The following FER variants were observed in gnomAD, a reference collection of about 807,000 sequenced individuals.
FER encodes the protein FER tyrosine kinase, also known as tyrosine-protein kinase Fer.
Under a neutral mutation model 111.0 loss-of-function variants are expected in FER, and 63 were observed. The ratio of observed to expected loss-of-function variants is 0.57; its 90% CI spans 0.46 to 0.70. The LOEUF is 0.70. FER is among the 30% of genes least tolerant of loss of function. The pLI is 0.00. For missense variants in FER, 914 were observed against 954.0 expected (o/e 0.96, Z 0.55); for synonymous variants, 327 against 313.9 (o/e 1.04, Z -0.44).
intron 3 of FER, among the ~76,000 whole-genome samples, chr5:108,817,425 T>C (rs75680335): frequency 0.086 from 13,086 of 152,222 alleles, 748 homozygotes; most frequent in African/African-American, 0.15. Flanking sequence ...TTTTGAGTTA[T>C]TGTGTAGTGC....
intron 17 of FER, among the ~76,000 whole-genome samples, chr5:109,145,145 A>C (rs1264019576): frequency 1.3e-5 from 2 of 151,916 alleles, no homozygotes; most frequent in African/African-American, 4.8e-5. Context: ...AGCTTTGCCT[A>C]GCAAAGCTCC....
At chr5:108,832,630 G>A (rs1429047394) in intron 3 of FER, 140 bp from the exon 4 acceptor site, 10 of 517,552 alleles carry the variant, frequency 1.9e-5, no homozygotes, top group African/African-American at 6.0e-5. Flanking sequence ...ATAGATCTTT[G>A]AACAGTTGCC....
chr5:109,080,923 T>A (rs1339765537), intron 16 of FER, among the ~76,000 whole-genome samples: 1 of 152,014 alleles, frequency 6.6e-6, no homozygotes, highest in African/African-American at 2.4e-5. Flanking sequence ...GGGACAATGC[T>A]GGGTAGCGAG....
At position 108,832,782 on chromosome 5, in the gene FER, A is replaced by G; in HGVS notation, c.220A>G (p.Met74Val). ...VSNVSKSWLL[M>V]IQQTEQLSRI... ...TTTTTTTTTTAAGTCTTGGCTACTTATGATTCAGCAGACAGAACAACTTAG... is the reference window on the plus strand; with the variant it reads ...TTTTTTTTTTAAGTCTTGGCTACTTGTGATTCAGCAGACAGAACAACTTAG... The change falls in exon 4 of 20, where the codon ATG (methionine) becomes GTG (valine). Residue 74 changes from methionine (M) to valine (V), a missense_variant. By Grantham distance (21) the Met-to-Val change is conservative. This residue lies in a region of FER where 774 missense variants were observed against 782.6 expected (regional missense o/e 0.99). Transcript: ENST00000281092. 6.8e-7 allele frequency: 1 copy of G among 1,470,428 alleles called. No homozygotes were observed. Among genetic ancestry groups the G allele is most frequent in the Non-Finnish European group, 9.0e-7 (1 of 1,110,702 alleles). The allele number at this position is 1,470,428 out of a possible 1,614,324, so 91.1% of individuals were successfully genotyped here.
chr5:109,138,174 A>C (rs1184978109), intron 17 of FER, among the ~76,000 whole-genome samples: 2 of 152,322 alleles, frequency 1.3e-5, no homozygotes, highest in African/African-American at 4.8e-5. Flanking sequence ...TACTCTCTCC[A>C]TTCAGCAAAA....
chr5:108,899,209 T>G (rs1237443785), intron 10 of FER, among the ~76,000 whole-genome samples: 1 of 152,152 alleles, frequency 6.6e-6, no homozygotes, highest in Non-Finnish European at 1.5e-5. Flanking sequence ...ATTGTGGTTG[T>G]TAGTAATATT....
intron 17 of FER, among the ~76,000 whole-genome samples, chr5:109,101,625 A>G (rs994313733): frequency 1.3e-5 from 2 of 152,082 alleles, no homozygotes; most frequent in Admixed American, 1.3e-4. Flanking sequence ...ATTCATTTCT[A>G]TGGAGATATT....
chr5:108,939,024 C>G (rs1294521196), intron 10 of FER, among the ~76,000 whole-genome samples: 1 of 152,038 alleles, frequency 6.6e-6, no homozygotes, highest in African/African-American at 2.4e-5. Context: ...ATTTGTTTAA[C>G]TGTGCATTTC....
intron 17 of FER, among the ~76,000 whole-genome samples, chr5:109,177,868 T>G (rs1488942606): frequency 6.6e-6 from 1 of 152,196 alleles, no homozygotes; most frequent in Admixed American, 6.5e-5. Context: ...CACCAGCCTA[T>G]TATGAGATTT....
chr5:108,778,626 A>G (rs1488550358), intron 2 of FER, among the ~76,000 whole-genome samples: 2 of 152,114 alleles, frequency 1.3e-5, no homozygotes, highest in Admixed American at 6.6e-5. Flanking sequence ...GTCCGTGTAT[A>G]TTATTTGGTG....
chr5:109,118,253 A>G (rs183104645), intron 17 of FER, among the ~76,000 whole-genome samples: 77 of 152,274 alleles, frequency 5.1e-4, no homozygotes, highest in African/African-American at 1.2e-3. Context: ...TTCTTCATCT[A>G]TTGAGATAAT....
chr5:108,989,621 A>G lies in FER; in HGVS notation c.1656+30274A>G, dbSNP rs190251240. ...CAGATGAACTTAACTAATATTACAT[A>G]TGTGTATTTTTTCTTTATTTGATTA... On this transcript the variant is annotated intron_variant, in intron 13 of 19. Coordinates refer to ENST00000281092, the MANE Select transcript of FER (RefSeq NM_005246.4). Among the ~76,000 whole-genome samples the G allele has an allele frequency of 2.6e-5, 4 of 152,022 alleles. No individual in the cohort carries two copies. In the East Asian group the frequency reaches 7.7e-4, roughly 29 times the overall value.
chr5:108,825,977 G>T (rs935480394), intron 3 of FER, among the ~76,000 whole-genome samples: 22 of 152,150 alleles, frequency 1.4e-4, no homozygotes, highest in Non-Finnish European at 2.9e-5. Flanking sequence ...CCATTAAATG[G>T]AAGTGAGAGT....
In FER at chr5:108,959,233, T is replaced by C; in HGVS notation, c.1542T>C (p.Tyr514=). ...HFIIQYVDNM[Y]RFEGTGFSNI... is the part of the protein sequence containing the mutation. ...TATTGTTCTCTCTCCAGAACATGTA[T>C]CGATTCGAGGGCACTGGGTTTTCAA... is the stretch of plus-strand genomic sequence containing the variant. The change falls in exon 13 of 20, where the codon TAT becomes TAC. Residue 514 remains tyrosine, a synonymous_variant. Transcript: ENST00000281092. 1 of 1,611,628 alleles carries C rather than the reference T, an allele frequency of 6.2e-7. No homozygotes were observed. The highest frequency in any genetic ancestry group is 8.5e-7 in the Non-Finnish European group (1 of 1,178,504).
rs763459582 is a variant in FER, at chr5:108,867,841, G to A, written c.556G>A (p.Val186Ile). 1.4e-5 allele frequency: 23 copies of A among 1,612,842 alleles called. No individual in the cohort carries two copies. Among genetic ancestry groups the A allele is most frequent in the Non-Finnish European group, 1.9e-5 (22 of 1,179,464 alleles). ...ACTTCATATGTTGCACAATCAGTAT[G>A]TATTGGCGTTGAAAGGGGCACAGCT... ...MKLHMLHNQY[V>I]LALKGAQLHQ... The change falls in exon 6 of 20, where the codon GTA (valine) becomes ATA (isoleucine). Residue 186 changes from valine (V) to isoleucine (I), a missense_variant. Val to Ile is a conservative substitution (Grantham distance 29). Around this residue, in one of 3 missense-constraint regions of FER, gnomAD observed 774 missense variants for 782.6 expected, o/e 0.99. Transcript: ENST00000281092.
intron 14 of FER, among the ~76,000 whole-genome samples, chr5:109,044,215 G>T (rs1443129147): frequency 1.4e-5 from 2 of 146,430 alleles, no homozygotes; most frequent in African/African-American, 2.6e-5. Context: ...GTCTTGCTCT[G>T]TTGCCCAGGC....
chr5:109,008,471 TTA>T (rs777863573), intron 13 of FER, among the ~76,000 whole-genome samples: 1 of 152,114 alleles, frequency 6.6e-6, no homozygotes, highest in Non-Finnish European at 1.5e-5. Flanking sequence ...CCACCAGCAG[TTA>T]TTTTCACCTG....
chr5:109,075,581 A>T (rs1776239238), intron 16 of FER, among the ~76,000 whole-genome samples: 1 of 151,738 alleles, frequency 6.6e-6, no homozygotes, highest in Non-Finnish European at 1.5e-5. Context: ...CTGCCACCAC[A>T]CCCGGATAAT....
At chr5:109,128,475 G>T (rs72796584) in intron 17 of FER, among the ~76,000 whole-genome samples, 3,025 of 152,180 alleles carry the variant, frequency 0.02, 48 homozygotes, top group Middle Eastern at 0.092. Context: ...TCAGTAATGT[G>T]ATGATATTTC....
Sources: allele counts gnomAD v4.1 joint callset (sites outside exome capture counted in the v4.1 genomes callset), GRCh38; gene constraint gnomAD v4.1.1; regional missense constraint gnomAD v4.1.1; transcripts MANE v1.5; gene names NCBI Gene and HGNC (gene_info 2026-07-23, HGNC 2026-07-21).